The following FAM227A variants were observed in gnomAD, a reference collection of about 807,000 sequenced individuals.
FAM227A encodes the protein family with sequence similarity 227 member A, also known as protein FAM227A.
In FAM227A, 80 loss-of-function variants were observed where a neutral mutation model predicts 74.7. The ratio of observed to expected loss-of-function variants is 1.07; its 90% CI spans 0.89 to 1.29. FAM227A has a LOEUF of 1.29. Ranked by LOEUF, FAM227A falls within the 50% of genes most tolerant of loss-of-function variation. FAM227A has a pLI of 0.00. For synonymous variants in FAM227A, 237 were observed against 241.8 expected, an observed-to-expected ratio of 0.98 and a Z score of 0.19; for missense variants, 654 against 683.4, an observed-to-expected ratio of 0.96 and a Z score of 0.48.
At chr22:38,613,348 T>TAATATATATCA (rs1168423341) in intron 11 of FAM227A, among the ~76,000 whole-genome samples, 7 of 11,064 alleles carry the variant, frequency 6.3e-4, no homozygotes, top group African/African-American at 1.9e-3. Flanking sequence ...ATAACATATA[T>TAATATATATCA]TATATAATAT....
chr22:38,654,966 A>T (rs2092371412), intron 1 of FAM227A, among the ~76,000 whole-genome samples: 1 of 147,620 alleles, frequency 6.8e-6, no homozygotes, highest in Non-Finnish European at 1.5e-5. Flanking sequence ...ATAAATAAAT[A>T]AATAAATAAA....
At chr22:38,615,673 C>T (rs554043651) in intron 11 of FAM227A, among the ~76,000 whole-genome samples, 3 of 152,288 alleles carry the variant, frequency 2.0e-5, no homozygotes, top group South Asian at 2.1e-4. Flanking sequence ...TGATTCTGTA[C>T]GGCACTGCAA....
At chr22:38,653,435 G>A (rs1367132529) in intron 1 of FAM227A, among the ~76,000 whole-genome samples, 1 of 147,826 alleles carries the variant, frequency 6.8e-6, no homozygotes, top group Non-Finnish European at 1.5e-5. Flanking sequence ...GGAATGCAAT[G>A]GCACAATCTT....
At chr22:38,600,014 T>C in intron 13 of FAM227A, 93 bp from the exon 14 acceptor site, 2 of 1,185,738 alleles carry the variant, frequency 1.7e-6, no homozygotes, top group Non-Finnish European at 2.3e-6. Context: ...TCATGTCCTT[T>C]GATCCAGTAA....
intron 10 of FAM227A, 125 bp downstream of exon 10, chr22:38,623,047 T>C (rs1258060559): frequency 6.0e-6 from 4 of 667,300 alleles, no homozygotes; most frequent in South Asian, 1.9e-5. Flanking sequence ...TGGTGGCTAA[T>C]TTGGGGGTAC....
At chr22:38,606,341 A>AT (rs1039226456) in intron 12 of FAM227A, among the ~76,000 whole-genome samples, 3 of 151,842 alleles carry the variant, frequency 2.0e-5, no homozygotes, top group South Asian at 2.1e-4. Context: ...TAATTTAAAA[A>AT]TTTTTTTTGT....
At chr22:38,634,064 C>CA (rs1295903241) in intron 6 of FAM227A, among the ~76,000 whole-genome samples, 3 of 151,396 alleles carry the variant, frequency 2.0e-5, no homozygotes, top group Non-Finnish European at 2.9e-5. Flanking sequence ...ACTAAAAATA[C>CA]AAAAAATTAG....
chr22:38,597,999 C>T (rs2091085567), intron 14 of FAM227A, among the ~76,000 whole-genome samples: 1 of 145,902 alleles, frequency 6.9e-6, no homozygotes, highest in Admixed American at 7.0e-5. Context: ...GCCGAAATCG[C>T]GCCACTGCAC....
Position 38,599,894 on chromosome 22 carries a change from G to A in FAM227A, c.1249C>T (p.Leu417=), listed in dbSNP as rs780676614. 6.5e-6 allele frequency: 10 copies of A among 1,550,120 alleles called. No homozygotes were observed. The South Asian group carries it at 1.1e-4, about 17-fold the overall frequency. ...KSCAACKSPE[L]TSNLFNIYGK... ...TAAATGTTGAAGAGGTTTGAAGTCA[G>A]CTCAGGGCTTTTGCAGGCAGCACAC... The change falls in exon 14 of 17, where the codon CTG becomes TTG. Residue 417 remains leucine, a synonymous_variant. Transcript: ENST00000535113.
At chr22:38,630,006 T>C (rs4821800) in intron 6 of FAM227A, among the ~76,000 whole-genome samples, 5,404 of 136,126 alleles carry the variant, frequency 0.04, 254 homozygotes, top group East Asian at 0.14. Flanking sequence ...CACACACAGG[T>C]GCCTCTCCTT....
intron 16 of FAM227A, among the ~76,000 whole-genome samples, chr22:38,588,347 G>A (rs1041739272): frequency 1.1e-4 from 17 of 151,998 alleles, no homozygotes; most frequent in South Asian, 4.2e-4. Flanking sequence ...AGCCAGGCGC[G>A]GTGGCTCATG....
intron 3 of FAM227A, among the ~76,000 whole-genome samples, chr22:38,640,926 T>C (rs1003955674): frequency 6.6e-6 from 1 of 151,682 alleles, no homozygotes; most frequent in South Asian, 2.1e-4. Context: ...GTGCCAGTGG[T>C]GGGGGGGCGG....
chr22:38,641,168 G>C (rs563005590), intron 3 of FAM227A, among the ~76,000 whole-genome samples: 1 of 152,082 alleles, frequency 6.6e-6, no homozygotes, highest in Non-Finnish European at 1.5e-5. Flanking sequence ...GCAAGTTTTG[G>C]GGGGAAAGAT....
chr22:38,600,900 C>T (rs189803815), intron 13 of FAM227A, among the ~76,000 whole-genome samples: 1,517 of 149,700 alleles, frequency 0.01, 31 homozygotes, highest in African/African-American at 0.036. Flanking sequence ...TGCAGTGAGC[C>T]GAGATTGCAC....
At position 38,650,050 on chromosome 22, in the gene FAM227A, T is replaced by G. The variant is rs1212788225; in HGVS notation, c.119A>C (p.Lys40Thr). The change falls in exon 2 of 17, where the codon AAG (lysine) becomes ACG (threonine). Residue 40 changes from lysine (K) to threonine (T), a missense_variant. Transcript: ENST00000535113. ...ACAGGGTGGATTGTTCTCTAACTCC[T>G]TCCTCACAGTCTTCACCATTGTATT... Reference protein sequence around the residue: ...ARNTMVKTVRKELENNPPSCL... With the variant: ...ARNTMVKTVRTELENNPPSCL... The G allele has an allele frequency of 6.4e-7, 1 of 1,552,266 alleles. No homozygotes were observed. The highest frequency in any genetic ancestry group is 1.2e-5 in the South Asian group (1 of 84,064).
chr22:38,620,725 T>C (rs1235418400), intron 10 of FAM227A, among the ~76,000 whole-genome samples: 1 of 148,192 alleles, frequency 6.7e-6, no homozygotes, highest in Non-Finnish European at 1.5e-5. Flanking sequence ...AGGAGAATAG[T>C]GTGATCCTGG....
intron 10 of FAM227A, among the ~76,000 whole-genome samples, chr22:38,621,047 CCT>C (rs1350717451): frequency 2.7e-5 from 4 of 149,774 alleles, no homozygotes; most frequent in Admixed American, 6.7e-5. Context: ...GAAAAAACTC[CCT>C]GAGTCGGCCG....
chr22:38,607,231 A>G (rs1236780866), intron 12 of FAM227A, among the ~76,000 whole-genome samples, 158 bp downstream of exon 12: 1 of 151,882 alleles, frequency 6.6e-6, no homozygotes, highest in Non-Finnish European at 1.5e-5. Flanking sequence ...AGACAACTAC[A>G]TCCTTTCATA....
chr22:38,640,117 T>A (rs1848681836), intron 3 of FAM227A, among the ~76,000 whole-genome samples: 1 of 151,978 alleles, frequency 6.6e-6, no homozygotes, highest in African/African-American at 2.4e-5. Context: ...CACTGCAAGC[T>A]CCGCCTCCTG....
Sources: allele counts gnomAD v4.1 joint callset (sites outside exome capture counted in the v4.1 genomes callset), GRCh38; gene constraint gnomAD v4.1.1; transcripts MANE v1.5; gene names NCBI Gene and HGNC (gene_info 2026-07-23, HGNC 2026-07-21).